TCERG1L: variants seen among roughly 807,000 people sequenced by gnomAD.
TCERG1L encodes the protein transcription elongation regulator 1-like protein.
In TCERG1L, 37 loss-of-function variants were observed where a neutral mutation model predicts 56.3. The ratio of observed to expected loss-of-function variants is 0.66; its 90% confidence interval spans 0.51 to 0.87. The LOEUF is 0.87. TCERG1L is among the 40% of genes least tolerant of loss of function. The pLI is 0.00. For synonymous variants in TCERG1L, 324 were observed against 326.3 expected (o/e 0.99, Z 0.08); for missense variants, 799 against 774.2 (o/e 1.03, Z -0.38).
chr10:131,234,442 T>C (rs990780173), intron 4 of TCERG1L, among the ~76,000 whole-genome samples: 1 of 152,240 alleles, frequency 6.6e-6, no homozygotes, highest in Non-Finnish European at 1.5e-5. Context: ...AAGCTGTGGA[T>C]AAAAGCTATT....
rs373096307 is a variant in TCERG1L at position 131,233,069 on chromosome 10, C to G, written c.856+27190G>C. ...CAAAGCTAAACTCCCTGAGGGAGAA[C>G]TGTTGGTCAGACGATGTTAGCGTAT... On this transcript the variant is annotated intron_variant, in intron 4 of 11. Transcript: ENST00000368642. Among the ~76,000 whole-genome samples, 16 of 152,324 alleles carry G rather than the reference C, an allele frequency of 1.1e-4. No individual in the cohort carries two copies. The East Asian group carries it at 2.1e-3, about 20-fold the overall frequency.
At chr10:131,245,692 C>T (rs979407401) in intron 4 of TCERG1L, among the ~76,000 whole-genome samples, 1 of 152,220 alleles carries the variant, frequency 6.6e-6, no homozygotes, top group Non-Finnish European at 1.5e-5. Context: ...TCCCGAGGGG[C>T]TCCTGCCACT....
intron 1 of TCERG1L, among the ~76,000 whole-genome samples, chr10:131,310,497 G>C (rs1846875278): frequency 6.6e-6 from 1 of 152,184 alleles, no homozygotes; most frequent in Non-Finnish European, 1.5e-5. Context: ...ATGCTAATGA[G>C]GTCAATCCTT....
rs139241628 is a variant in TCERG1L at position 131,144,512 on chromosome 10, T to A, written c.1189+1994A>T. On this transcript the variant is annotated intron_variant, in intron 7 of 11. Transcript: ENST00000368642. Reference sequence around the variant, plus strand: ...TTTCGGGAATGGGAAGTTGTTCTCTTAAACATCAACTGCACCCTGGCAACC... The same window carrying A: ...TTTCGGGAATGGGAAGTTGTTCTCTAAAACATCAACTGCACCCTGGCAACC... Among the ~76,000 whole-genome samples the A allele has an allele frequency of 3.9e-5, 6 of 152,106 alleles. No homozygotes were observed. In the East Asian group the frequency reaches 1.2e-3, roughly 29 times the overall value.
At chr10:131,213,626 G>T (rs1845639237) in intron 4 of TCERG1L, among the ~76,000 whole-genome samples, 1 of 152,216 alleles carries the variant, frequency 6.6e-6, no homozygotes, top group South Asian at 2.1e-4. Flanking sequence ...CTGCTGTGGA[G>T]ATGCAGCTAC....
chr10:131,282,061 G>A lies in TCERG1L; in HGVS notation c.671-21617C>T, dbSNP rs371173548. 4.4e-3 allele frequency among the ~76,000 whole-genome samples: 656 copies of A among 150,064 alleles called. 14 individuals carry two copies. In the East Asian group the frequency reaches 0.072, roughly 17 times the overall value. On this transcript the variant is annotated intron_variant, in intron 3 of 11. Transcript: ENST00000368642. ...TGAGGCAGGAGAATGGCGTGAACCC[G>A]GGAAGCGGAGCTTGCAGTGAGCGGA...
At chr10:131,146,310 G>C (rs1181370741) in intron 7 of TCERG1L, among the ~76,000 whole-genome samples, 196 bp downstream of exon 7, 2 of 152,184 alleles carry the variant, frequency 1.3e-5, no homozygotes, top group Admixed American at 6.5e-5. Flanking sequence ...AGCCAGAGCC[G>C]ACCGCTTGGA....
intron 4 of TCERG1L, among the ~76,000 whole-genome samples, chr10:131,231,208 G>A (rs571450504): frequency 1.3e-5 from 2 of 152,194 alleles, no homozygotes; most frequent in African/African-American, 2.4e-5. Context: ...ACTGCAGCAC[G>A]GCGGACACTG....
chr10:131,195,124 G>A (rs1336988004), intron 4 of TCERG1L, among the ~76,000 whole-genome samples: 4 of 152,184 alleles, frequency 2.6e-5, no homozygotes, highest in Admixed American at 6.5e-5. Context: ...AGGAACAGAC[G>A]TGAAATGGGA....
intron 4 of TCERG1L, among the ~76,000 whole-genome samples, chr10:131,257,394 C>CT (rs1261157764): frequency 6.6e-6 from 1 of 152,218 alleles, no homozygotes; most frequent in African/African-American, 2.4e-5. Flanking sequence ...GTCACGGGCT[C>CT]TTTAAGTATT....
In TCERG1L at chr10:131,166,891, G is replaced by A. The variant is rs1206758932; in HGVS notation, c.857-6C>T. On this transcript the variant is annotated splice_polypyrimidine_tract_variant and splice_region_variant and intron_variant, in intron 4 of 11. Coordinates refer to ENST00000368642, the MANE Select transcript of TCERG1L (RefSeq NM_174937.4). ...GCCCCGCTCTGTCCTTGTATCTGTT[G>A]GGCCAAAGCAGTTGTCATTAACATT... The A allele has an allele frequency of 6.2e-7, 1 of 1,605,936 alleles. No homozygotes were observed. Among genetic ancestry groups the A allele is most frequent in the Admixed American group, 1.7e-5 (1 of 58,962 alleles).
intron 3 of TCERG1L, among the ~76,000 whole-genome samples, chr10:131,272,571 C>T (rs936799523): frequency 6.6e-6 from 1 of 152,160 alleles, no homozygotes; most frequent in Admixed American, 6.5e-5. Flanking sequence ...TTCCTCCCTA[C>T]CAGCCCTGTG....
intron 4 of TCERG1L, among the ~76,000 whole-genome samples, chr10:131,198,617 T>C (rs1845393040): frequency 6.6e-6 from 1 of 152,230 alleles, no homozygotes; most frequent in Admixed American, 6.5e-5. Flanking sequence ...GCAGCGGTGC[T>C]GGAGCGGCCC....
chr10:131,187,972 C>A (rs906257183), intron 4 of TCERG1L, among the ~76,000 whole-genome samples: 1 of 152,196 alleles, frequency 6.6e-6, no homozygotes, highest in Non-Finnish European at 1.5e-5. Flanking sequence ...GGAGCTGAGT[C>A]ACACAGAGAC....
At chr10:131,187,736 C>T (rs1205164122) in intron 4 of TCERG1L, among the ~76,000 whole-genome samples, 1 of 152,204 alleles carries the variant, frequency 6.6e-6, no homozygotes, top group Admixed American at 6.5e-5. Context: ...CAAGAGAGGA[C>T]GCTGGGGTCA....
chr10:131,123,025 C>T (rs1039692183), intron 8 of TCERG1L, among the ~76,000 whole-genome samples: 1 of 152,172 alleles, frequency 6.6e-6, no homozygotes, highest in Non-Finnish European at 1.5e-5. Flanking sequence ...TCTGAGCCTC[C>T]TAGGTCGTTC....
intron 6 of TCERG1L, 193 bp downstream of exon 6, chr10:131,162,929 G>C (rs575812752): frequency 3.9e-6 from 2 of 509,096 alleles, no homozygotes; most frequent in African/African-American, 3.9e-5. Context: ...ATAGCTCATC[G>C]CTTAAATGCT....
chr10:131,284,726 T>C (rs1288586154), intron 3 of TCERG1L, among the ~76,000 whole-genome samples: 1 of 152,096 alleles, frequency 6.6e-6, no homozygotes, highest in Non-Finnish European at 1.5e-5. Flanking sequence ...TATTATAGCA[T>C]ATTAAAAAGA....
At chr10:131,143,847 A>G (rs1398169716) in intron 7 of TCERG1L, among the ~76,000 whole-genome samples, 2 of 152,250 alleles carry the variant, frequency 1.3e-5, no homozygotes, top group Non-Finnish European at 2.9e-5. Flanking sequence ...TACTACAGCT[A>G]TAAAAAATCT....
Sources: allele counts gnomAD v4.1 joint callset (sites outside exome capture counted in the v4.1 genomes callset), GRCh38; gene constraint gnomAD v4.1.1; transcripts MANE v1.5; gene names NCBI Gene and HGNC (gene_info 2026-07-23, HGNC 2026-07-21).